Variants in PLCL2 observed in about 807,000 individuals in gnomAD.
PLCL2 encodes phospholipase C like 2.
A neutral mutation model predicts 79.6 loss-of-function variants in PLCL2; 4 were observed. The observed-to-expected ratio is 0.05, with a 90% confidence interval of 0.02 to 0.11. The LOEUF (loss-of-function observed/expected upper bound fraction) is 0.11. Ranked by LOEUF, PLCL2 falls within the 10% of genes least tolerant of loss-of-function variation. PLCL2 has a pLI of 1.00. For synonymous variants in PLCL2, 484 were observed against 457.7 expected (o/e 1.06, Z -0.73); for missense variants, 895 against 1,291.0 (o/e 0.69, Z 4.70).
intron 3 of PLCL2, among the ~76,000 whole-genome samples, chr3:17,039,341 C>A (rs900968173): frequency 7.9e-5 from 12 of 152,194 alleles, no homozygotes; most frequent in Non-Finnish European, 1.6e-4. Flanking sequence ...CATCGCCTAA[C>A]CTGTCCTCTA....
At chr3:17,025,943 G>T (rs1229497121) in intron 3 of PLCL2, among the ~76,000 whole-genome samples, 2 of 152,168 alleles carry the variant, frequency 1.3e-5, no homozygotes, top group Non-Finnish European at 2.9e-5. Context: ...CAGCGCACGT[G>T]TCTGGAGGGT....
intron 1 of PLCL2, among the ~76,000 whole-genome samples, chr3:16,898,008 C>T (rs144974583): frequency 1.2e-3 from 186 of 151,620 alleles, no homozygotes; most frequent in African/African-American, 4.4e-3. Context: ...TTCTCTTCCA[C>T]ATTGACAAGG....
At chr3:16,930,503 A>AG (rs1165091351) in intron 1 of PLCL2, among the ~76,000 whole-genome samples, 3 of 152,206 alleles carry the variant, frequency 2.0e-5, no homozygotes, top group Admixed American at 6.5e-5. Context: ...TTTTGATCAG[A>AG]ACTGCTATAA....
chr3:17,027,925 A>G (rs1303197022), intron 3 of PLCL2, among the ~76,000 whole-genome samples: 3 of 152,224 alleles, frequency 2.0e-5, no homozygotes, highest in African/African-American at 7.2e-5. Flanking sequence ...CAAGCATGCT[A>G]CGTCAGTGGG....
intron 1 of PLCL2, among the ~76,000 whole-genome samples, chr3:16,988,235 T>G (rs2064070127): frequency 6.6e-6 from 1 of 152,158 alleles, no homozygotes; most frequent in Non-Finnish European, 1.5e-5. Context: ...GCCAGATACA[T>G]TTAAAAGCAA....
At chr3:16,914,210 C>G (rs1427823919) in intron 1 of PLCL2, among the ~76,000 whole-genome samples, 2 of 152,120 alleles carry the variant, frequency 1.3e-5, no homozygotes, top group Admixed American at 6.6e-5. Context: ...TAAGGTAACT[C>G]TAACATAGAT....
At chr3:17,051,739 T>C (rs2064841109) in intron 4 of PLCL2, among the ~76,000 whole-genome samples, 1 of 152,202 alleles carries the variant, frequency 6.6e-6, no homozygotes, top group Non-Finnish European at 1.5e-5. Flanking sequence ...AGTCTTTTGG[T>C]TGTACAACAT....
intron 1 of PLCL2, among the ~76,000 whole-genome samples, chr3:16,961,110 GGA>G (rs2063750144): frequency 6.6e-6 from 1 of 152,178 alleles, no homozygotes; most frequent in South Asian, 2.1e-4. Context: ...GTGTTTCAGT[GGA>G]GATGGAGACC....
At chr3:16,937,413 G>A (rs1697566306) in intron 1 of PLCL2, among the ~76,000 whole-genome samples, 1 of 152,210 alleles carries the variant, frequency 6.6e-6, no homozygotes, top group Non-Finnish European at 1.5e-5. Context: ...ACTGATCTCA[G>A]TTGAGTTCAG....
At chr3:17,055,428 T>A (rs2064882548) in intron 4 of PLCL2, among the ~76,000 whole-genome samples, 1 of 152,106 alleles carries the variant, frequency 6.6e-6, no homozygotes, top group South Asian at 2.1e-4. Context: ...CTAGGCCAAC[T>A]CATTCAGAGC....
chr3:16,894,351 A>G (rs1472246224), intron 1 of PLCL2, among the ~76,000 whole-genome samples: 1 of 152,176 alleles, frequency 6.6e-6, no homozygotes, highest in Non-Finnish European at 1.5e-5. Context: ...TCTGTGGAGT[A>G]TTTGATGATT....
At chr3:16,893,328 G>C (rs1696394604) in intron 1 of PLCL2, among the ~76,000 whole-genome samples, 1 of 152,072 alleles carries the variant, frequency 6.6e-6, no homozygotes, top group African/African-American at 2.4e-5. Flanking sequence ...AACTAGTAAT[G>C]GTTTGTTTTT....
At chr3:17,078,705 T>G (rs1389704287) in intron 5 of PLCL2, among the ~76,000 whole-genome samples, 2 of 152,198 alleles carry the variant, frequency 1.3e-5, no homozygotes, top group African/African-American at 2.4e-5. Context: ...TTGTCTTGAT[T>G]TTCTTCATTT....
chr3:16,972,445 C>A lies in PLCL2; in HGVS notation c.328-37229C>A, dbSNP rs78011342. ...GTGTGGTCAGTTTTAGAGTACGTGC[C>A]ATGTGCAAATAAGAAGAATGTATAT... On this transcript the variant is annotated intron_variant, in intron 1 of 5. Transcript: ENST00000615277. Among the ~76,000 whole-genome samples the A allele has an allele frequency of 6.6e-3, 1,007 of 152,170 alleles. 6 individuals are homozygous for A. Among genetic ancestry groups the A allele is most frequent in the Admixed American group, 0.011 (173 of 15,266 alleles).
In PLCL2 at chr3:17,010,222, T is replaced by G. The variant is rs751011548; in HGVS notation, c.876T>G (p.Ala292=). The G allele has an allele frequency of 6.8e-6, 11 of 1,613,872 alleles. No individual in the cohort carries two copies. The highest frequency in any genetic ancestry group is 3.3e-5 in the Admixed American group (2 of 60,002). ...TTGGACATATAACTCTGTGTAATGC[T>G]GTGCAATGTATCAGAAACCTCAATC... ...DNLGHITLCN[A]VQCIRNLNPG... Residue 292 remains alanine (A), a synonymous_variant, in exon 2 of 6, where the codon GCT becomes GCG. Coordinates refer to ENST00000615277, the MANE Select transcript of PLCL2 (RefSeq NM_001144382.2). The surrounding 1 kb of genome is among the most constrained non-coding windows in gnomAD (Gnocchi z 5.8).
chr3:17,014,419 C>T (rs1275380973), intron 2 of PLCL2, among the ~76,000 whole-genome samples: 1 of 152,140 alleles, frequency 6.6e-6, no homozygotes, highest in Non-Finnish European at 1.5e-5. Flanking sequence ...CGCATCAGCA[C>T]TACTATGAAC....
intron 1 of PLCL2, among the ~76,000 whole-genome samples, chr3:16,897,270 T>G (rs1357715184): frequency 6.6e-6 from 1 of 151,958 alleles, no homozygotes; most frequent in Non-Finnish European, 1.5e-5. Flanking sequence ...TGTCTTTTTT[T>G]GATCTAGGTA....
chr3:16,936,670 G>C (rs1312031121), intron 1 of PLCL2, among the ~76,000 whole-genome samples: 2 of 152,122 alleles, frequency 1.3e-5, no homozygotes, highest in East Asian at 3.8e-4. Flanking sequence ...GGGGTGCATA[G>C]ATATTTTTAA....
At chr3:17,069,428 G>T (rs140098620) in intron 5 of PLCL2, among the ~76,000 whole-genome samples, 1 of 152,106 alleles carries the variant, frequency 6.6e-6, no homozygotes, top group South Asian at 2.1e-4. Context: ...AGAGGCATTT[G>T]TGCTTCTCTT....
Sources: gnomAD v4.1 joint callset for allele counts (sites outside exome capture counted in the v4.1 genomes callset) on GRCh38, gnomAD v4.1.1 for gene constraint, Gnocchi (gnomAD v3.1) non-coding constraint, MANE v1.5 for transcripts, NCBI Gene and HGNC (gene_info 2026-07-23, HGNC 2026-07-21) for gene names.